The following ARMH3 variants were observed in gnomAD, a reference collection of about 807,000 sequenced individuals.
ARMH3 encodes armadillo-like helical domain-containing protein 3.
A neutral mutation model predicts 99.1 loss-of-function variants in ARMH3; 60 were observed. The observed-to-expected ratio is 0.61, with a 90% CI of 0.49 to 0.75. ARMH3 has a LOEUF of 0.75. Ranked by LOEUF, ARMH3 falls within the 30% of genes least tolerant of loss-of-function variation. The probability of loss-of-function intolerance (pLI) is 0.00; values close to 1 mark genes in which losing one functional copy is unlikely to be tolerated. For synonymous variants in ARMH3, 285 were observed against 292.8 expected, an observed-to-expected ratio of 0.97 and a Z score of 0.27; for missense variants, 679 against 843.1, an observed-to-expected ratio of 0.81 and a Z score of 2.41.
intron 24 of ARMH3, among the ~76,000 whole-genome samples, chr10:101,887,148 A>G (rs2067568229): frequency 6.6e-6 from 1 of 152,220 alleles, no homozygotes; most frequent in Admixed American, 6.5e-5. Flanking sequence ...AACCAAGTGT[A>G]CTGTAATGCT....
chr10:101,860,333 T>G (rs1213478332), intron 24 of ARMH3, among the ~76,000 whole-genome samples: 1 of 152,110 alleles, frequency 6.6e-6, no homozygotes, highest in Non-Finnish European at 1.5e-5. Context: ...AAAAATTCAG[T>G]TGGGCAACTC....
chr10:101,985,293 C>A (rs1375040259), intron 19 of ARMH3, among the ~76,000 whole-genome samples: 1 of 127,930 alleles, frequency 7.8e-6, no homozygotes, highest in Non-Finnish European at 1.7e-5. Flanking sequence ...CGTATATACA[C>A]ACGTATATAT....
intron 20 of ARMH3, 111 bp from the exon 21 acceptor site, chr10:101,957,843 C>T (rs1845111170): frequency 7.1e-7 from 1 of 1,402,062 alleles, no homozygotes; most frequent in African/African-American, 1.5e-5. Context: ...GTGAGTAAGT[C>T]TCAGCCACCA....
At chr10:101,935,448 C>T (rs184572987) in intron 23 of ARMH3, among the ~76,000 whole-genome samples, 5 of 152,156 alleles carry the variant, frequency 3.3e-5, no homozygotes, top group Admixed American at 2.0e-4. Flanking sequence ...ATTTATGCTC[C>T]GAGTGTGACG....
intron 22 of ARMH3, among the ~76,000 whole-genome samples, chr10:101,947,657 G>T (rs564196035): frequency 6.6e-6 from 1 of 152,020 alleles, no homozygotes; most frequent in East Asian, 1.9e-4. Flanking sequence ...AAAATTAGCC[G>T]GGTGTGGTGG....
intron 1 of ARMH3, among the ~76,000 whole-genome samples, chr10:102,049,477 G>C (rs1321223423): frequency 6.6e-6 from 1 of 152,056 alleles, no homozygotes; most frequent in African/African-American, 2.4e-5. Context: ...AGGAGGCGGA[G>C]GTTGCAGTGA....
chr10:101,909,699 A>T (rs1042579678), intron 23 of ARMH3, among the ~76,000 whole-genome samples: 1 of 151,832 alleles, frequency 6.6e-6, no homozygotes. Flanking sequence ...GGCTCAAGTG[A>T]TCCTCCTGCC....
At chr10:101,993,108 C>T (rs959521183) in intron 17 of ARMH3, among the ~76,000 whole-genome samples, 2 of 151,448 alleles carry the variant, frequency 1.3e-5, no homozygotes, top group African/African-American at 2.4e-5. Context: ...CCATCTGTAA[C>T]GAAAATACAA....
intron 23 of ARMH3, among the ~76,000 whole-genome samples, chr10:101,899,201 AT>A (rs369695867): frequency 7.2e-4 from 109 of 152,072 alleles, no homozygotes; most frequent in African/African-American, 2.3e-3. Context: ...GCCCTAAGGA[AT>A]TTTTTTTCCC....
chr10:101,944,767 T>C (rs1844444836), intron 22 of ARMH3, among the ~76,000 whole-genome samples: 1 of 151,866 alleles, frequency 6.6e-6, no homozygotes, highest in African/African-American at 2.4e-5. Flanking sequence ...TGAGCCCAGA[T>C]GGCACTACTA....
intron 22 of ARMH3, among the ~76,000 whole-genome samples, chr10:101,944,648 T>C (rs1436567326): frequency 6.6e-6 from 1 of 151,954 alleles, no homozygotes; most frequent in African/African-American, 2.4e-5. Context: ...ACCCTGTCTC[T>C]ACTAAAAATA....
intron 15 of ARMH3, among the ~76,000 whole-genome samples, chr10:101,996,948 G>A (rs1219351037): frequency 6.6e-6 from 1 of 152,058 alleles, no homozygotes; most frequent in Non-Finnish European, 1.5e-5. Flanking sequence ...AAGTAATAAA[G>A]GCTTTAAAAG....
rs1190281343 is a variant in ARMH3 at position 101,935,084 on chromosome 10, C to T, written c.1781+4779G>A. On this transcript the variant is annotated intron_variant, in intron 23 of 25. Coordinates refer to ENST00000370033, the MANE Select transcript of ARMH3 (RefSeq NM_024541.3). Reference sequence around the variant, plus strand: ...AGTTCACCAAGCAGCCCTGCACTGGCCCCTCAAAGTACTCCTTTGTGAACC... The same window carrying T: ...AGTTCACCAAGCAGCCCTGCACTGGTCCCTCAAAGTACTCCTTTGTGAACC... Among the ~76,000 whole-genome samples, 5 of 151,350 alleles carry T rather than the reference C, an allele frequency of 3.3e-5. No individual in the cohort carries two copies. In the East Asian group the frequency reaches 7.8e-4, roughly 24 times the overall value.
At chr10:101,951,121 T>C (rs971224262) in intron 22 of ARMH3, among the ~76,000 whole-genome samples, 1 of 152,206 alleles carries the variant, frequency 6.6e-6, no homozygotes. Flanking sequence ...TTTCATGTTG[T>C]AAAAACAACA....
intron 19 of ARMH3, among the ~76,000 whole-genome samples, chr10:101,979,960 C>T (rs983016840): frequency 2.6e-5 from 4 of 152,158 alleles, no homozygotes; most frequent in East Asian, 3.8e-4. Context: ...TTAACTAAAT[C>T]CAGATTCTAA....
In ARMH3 at chr10:101,930,021, T is replaced by C. The variant is rs577296837; in HGVS notation, c.1781+9842A>G. Among the ~76,000 whole-genome samples the C allele has an allele frequency of 6.6e-5, 10 of 152,246 alleles. No homozygotes were observed. The East Asian group carries it at 1.4e-3, about 21-fold the overall frequency. On this transcript the variant is annotated intron_variant, in intron 23 of 25. Coordinates refer to ENST00000370033, the MANE Select transcript of ARMH3 (RefSeq NM_024541.3). The stretch of plus-strand genomic sequence containing the variant: ...AAACATCATGTTGGTACTCAAAAAG[T>C]TTCAGATTTTAAAGCATTTCAGATT...
At chr10:102,050,410 T>G (rs1358733182) in intron 1 of ARMH3, among the ~76,000 whole-genome samples, 6 of 152,126 alleles carry the variant, frequency 3.9e-5, no homozygotes, top group Non-Finnish European at 8.8e-5. Flanking sequence ...ATCGCGCCAC[T>G]GCACTCCAGC....
At chr10:101,881,864 T>C (rs2067427764) in intron 24 of ARMH3, among the ~76,000 whole-genome samples, 1 of 152,194 alleles carries the variant, frequency 6.6e-6, no homozygotes, top group African/African-American at 2.4e-5. Context: ...TTATGCCTCT[T>C]CATTTTATCC....
chr10:101,899,805 T>C (rs1325462624), intron 23 of ARMH3, among the ~76,000 whole-genome samples: 3 of 152,200 alleles, frequency 2.0e-5, no homozygotes, highest in African/African-American at 7.2e-5. Flanking sequence ...CCATAAATTA[T>C]ACTACTGTCC....
Sources: gnomAD v4.1 joint callset for allele counts (sites outside exome capture counted in the v4.1 genomes callset) on GRCh38, gnomAD v4.1.1 for gene constraint, MANE v1.5 for transcripts, NCBI Gene and HGNC (gene_info 2026-07-23, HGNC 2026-07-21) for gene names.